HDX: variants seen among roughly 807,000 people sequenced by gnomAD.
HDX encodes highly divergent homeobox.
HDX carries 19 observed loss-of-function variants against 45.2 expected under a neutral mutation model. The observed-to-expected ratio is 0.42, with a 90% CI of 0.29 to 0.62. The LOEUF (loss-of-function observed/expected upper bound fraction) is 0.62. HDX is among the 20% of genes least tolerant of loss of function. The pLI, the probability that HDX is intolerant of heterozygous loss-of-function variation, is 0.20. For synonymous variants in HDX, 188 were observed against 172.8 expected, an observed-to-expected ratio of 1.09 and a Z score of -0.69; for missense variants, 532 against 493.9, an observed-to-expected ratio of 1.08 and a Z score of -0.73.
rs1008087540 is a variant in HDX, at chrX:84,348,508, T to G, written c.1453-4051A>C. 2.7e-5 allele frequency among the ~76,000 whole-genome samples: 3 copies of G among 111,847 alleles called. No individual in the cohort carries two copies. In the Admixed American group the frequency reaches 2.9e-4, roughly 11 times the overall value. ...CTGTCTCTTCAAATTCTTTCTTTGT[T>G]TTGTTGTTTTGCTTTTGTTTGTTTG... On this transcript the variant is annotated intron_variant, in intron 6 of 10. Coordinates refer to ENST00000373177, the MANE Select transcript of HDX (RefSeq NM_001177479.2).
At chrX:84,326,423 T>A in intron 9 of HDX, 123 bp from the exon 10 acceptor site, 1 of 495,541 alleles carries the variant, frequency 2.0e-6, no homozygotes, top group Non-Finnish European at 3.3e-6. Flanking sequence ...AACAAAATGT[T>A]AACATAAAGG....
At chrX:84,331,727 C>A (rs774480190) in intron 9 of HDX, among the ~76,000 whole-genome samples, 9 of 111,542 alleles carry the variant, frequency 8.1e-5, no homozygotes, top group Non-Finnish European at 1.7e-4. Context: ...CATCATAGTA[C>A]AATGCATTAA....
chrX:84,401,823 T>C (rs2038712804), intron 5 of HDX, among the ~76,000 whole-genome samples: 1 of 112,133 alleles, frequency 8.9e-6, no homozygotes, highest in Non-Finnish European at 1.9e-5. Context: ...CCATCAATGA[T>C]AGGTTGGAAA....
chrX:84,364,810 T>C (rs920505377), intron 5 of HDX, among the ~76,000 whole-genome samples: 2 of 111,022 alleles, frequency 1.8e-5, no homozygotes, highest in Non-Finnish European at 3.8e-5. Flanking sequence ...TCTGGTTCTA[T>C]GAGTTTGACT....
intron 1 of HDX, chrX:84,500,156 T>C (rs774178807): frequency 1.8e-5 from 2 of 110,862 alleles, no homozygotes; most frequent in East Asian, 2.8e-4. Context: ...ACCCAGTAAA[T>C]AGAGATCTGT....
intron 10 of HDX, among the ~76,000 whole-genome samples, chrX:84,324,025 A>G (rs1418604751): frequency 5.3e-5 from 6 of 112,457 alleles, no homozygotes; most frequent in Non-Finnish European, 1.1e-4. Flanking sequence ...AGGAACACGC[A>G]GTGAATTATC....
intron 8 of HDX, among the ~76,000 whole-genome samples, chrX:84,335,411 G>A (rs1360421014): frequency 9.0e-6 from 1 of 110,950 alleles, no homozygotes; most frequent in East Asian, 2.8e-4. Flanking sequence ...TGAAAGTGTG[G>A]CATTTTGTTT....
chrX:84,372,395 G>A (rs1169596980), intron 5 of HDX, among the ~76,000 whole-genome samples: 4 of 111,314 alleles, frequency 3.6e-5, no homozygotes, highest in African/African-American at 1.3e-4. Context: ...AAAAATCAGT[G>A]GTAAACCTTT....
intron 5 of HDX, among the ~76,000 whole-genome samples, chrX:84,429,206 T>C (rs151312181): frequency 0.015 from 1,608 of 110,713 alleles, 25 homozygotes; most frequent in African/African-American, 0.051. Context: ...AATCAGTTTG[T>C]AATTTCCTAC....
rs753441699 is a variant in HDX at position 84,344,641 on chromosome X, CTT to C, written c.1453-186_1453-185del. 2.6e-3 allele frequency among the ~76,000 whole-genome samples: 288 copies of C among 111,145 alleles called. 2 individuals carry two copies. The highest frequency in any genetic ancestry group is 9.1e-3 in the African/African-American group (280 of 30,685). ...ATAATTGTGTTTTATATTTTTATAA[CTT>C]ATTTTATTTATAACTGACAAATAAT... On this transcript the variant is annotated intron_variant, in intron 6 of 10. Coordinates refer to ENST00000373177, the MANE Select transcript of HDX (RefSeq NM_001177479.2).
At chrX:84,459,472 G>A (rs2040191030) in intron 4 of HDX, among the ~76,000 whole-genome samples, 1 of 109,299 alleles carries the variant, frequency 9.1e-6, no homozygotes, top group Non-Finnish European at 1.9e-5. Flanking sequence ...GAAAAGAAAA[G>A]GAATATTTAA....
At chrX:84,358,707 T>C (rs191770329) in intron 6 of HDX, among the ~76,000 whole-genome samples, 2 of 112,100 alleles carry the variant, frequency 1.8e-5, no homozygotes, top group East Asian at 5.6e-4. Flanking sequence ...TCAAAAATTC[T>C]CTCTATATTG....
intron 5 of HDX, among the ~76,000 whole-genome samples, chrX:84,414,477 A>G (rs1251490806): frequency 8.9e-6 from 1 of 111,895 alleles, no homozygotes; most frequent in Non-Finnish European, 1.9e-5. Context: ...AAGAGGTTAT[A>G]CTTCCATATA....
intron 4 of HDX, among the ~76,000 whole-genome samples, chrX:84,451,164 G>A (rs768822708): frequency 5.4e-5 from 6 of 110,225 alleles, no homozygotes; most frequent in African/African-American, 2.0e-4. Context: ...TAGAAATAAA[G>A]GAATAATAAA....
At chrX:84,414,322 T>C (rs1203562064) in intron 5 of HDX, among the ~76,000 whole-genome samples, 2 of 111,395 alleles carry the variant, frequency 1.8e-5, no homozygotes, top group Non-Finnish European at 3.8e-5. Context: ...ATTCCAGTGA[T>C]TCCTATGATC....
chrX:84,421,926 AAG>A (rs2039262768), intron 5 of HDX, among the ~76,000 whole-genome samples: 1 of 110,954 alleles, frequency 9.0e-6, no homozygotes, highest in African/African-American at 3.3e-5. Context: ...ATTACAGCTA[AAG>A]AGAGAGATGG....
At position 84,321,837 on chromosome X, in the gene HDX, C is replaced by A; in HGVS notation, c.*52G>T. ...AACAGAATGCAGTTATCTTGAAATG[C>A]ACACCTGTTACGAAGCCAAAAGACT... On this transcript the variant is annotated 3_prime_UTR_variant, in exon 11 of 11. Transcript: ENST00000373177. The A allele has an allele frequency of 9.5e-7, 1 of 1,055,798 alleles. No homozygotes were observed. The highest frequency in any genetic ancestry group is 1.3e-6 in the Non-Finnish European group (1 of 786,919). 87.0% of individuals were successfully genotyped at this position (1,055,798 alleles called of 1,213,427 possible). A position where few individuals can be genotyped will look rare whatever the true frequency, so the allele number is the denominator to read the frequency against.
intron 5 of HDX, among the ~76,000 whole-genome samples, chrX:84,424,501 A>G (rs1014157041): frequency 4.5e-5 from 5 of 111,464 alleles, no homozygotes; most frequent in Non-Finnish European, 9.4e-5. Context: ...CAGAACAGCC[A>G]AATTTATCCT....
chrX:84,412,084 A>G (rs1489756990), intron 5 of HDX, among the ~76,000 whole-genome samples: 2 of 111,520 alleles, frequency 1.8e-5, no homozygotes, highest in African/African-American at 3.3e-5. Context: ...TTTTATCAAA[A>G]CAGCATACAG....
Sources: gnomAD v4.1 joint callset for allele counts (sites outside exome capture counted in the v4.1 genomes callset) on GRCh38, gnomAD v4.1.1 for gene constraint, MANE v1.5 for transcripts, NCBI Gene and HGNC (gene_info 2026-07-23, HGNC 2026-07-21) for gene names.